The following STX8 variants were observed in gnomAD, a reference collection of about 807,000 sequenced individuals.
The protein encoded by STX8 is syntaxin 8.
A neutral mutation model predicts 37.5 loss-of-function variants in STX8; 23 were observed. That is an observed-to-expected ratio of 0.61 (90% CI 0.44 to 0.87). The LOEUF is 0.87. Among genes scored for constraint, STX8 ranks in the 40% least tolerant of loss-of-function variants. The pLI, the probability that STX8 is intolerant of heterozygous loss-of-function variation, is 0.00. For missense variants in STX8, 313 were observed against 284.7 expected, an observed-to-expected ratio of 1.10 and a Z score of -0.71; for synonymous variants, 115 against 99.1, an observed-to-expected ratio of 1.16 and a Z score of -0.95.
At chr17:9,443,534 C>G (rs1178351668) in intron 6 of STX8, among the ~76,000 whole-genome samples, 2 of 152,166 alleles carry the variant, frequency 1.3e-5, no homozygotes, top group Non-Finnish European at 2.9e-5. Flanking sequence ...TAGGGCTCCC[C>G]CGAGCCACAG....
rs553191806 is a variant in STX8 at position 9,391,206 on chromosome 17, C to A, written c.542-12553G>T. ...GGTGGTTCACAACTTGTAATCTCAG[C>A]ACTTTGGGTGGTAGAGGCTGGTGGA... On this transcript the variant is annotated intron_variant, in intron 6 of 7. Coordinates refer to ENST00000306357, the MANE Select transcript of STX8 (RefSeq NM_004853.3). Among the ~76,000 whole-genome samples, 135 of 152,190 alleles carry A rather than the reference C, an allele frequency of 8.9e-4. 2 individuals are homozygous for A. Among genetic ancestry groups the A allele is most frequent in the Non-Finnish European group, 1.8e-4 (12 of 67,998 alleles).
Position 9,389,702 on chromosome 17 carries a change from G to A in STX8, c.542-11049C>T, listed in dbSNP as rs1912143088. ...TACTCATAACGGACTCATAATGGCA[G>A]TAGTAAAGTCATTATGTTATTATGC... On this transcript the variant is annotated intron_variant, in intron 6 of 7. Transcript: ENST00000306357. 2.0e-5 allele frequency among the ~76,000 whole-genome samples: 3 copies of A among 152,120 alleles called. No individual in the cohort carries two copies. The South Asian group carries it at 6.2e-4, about 31-fold the overall frequency.
At chr17:9,568,745 C>A (rs569449074) in intron 1 of STX8, among the ~76,000 whole-genome samples, 1 of 152,272 alleles carries the variant, frequency 6.6e-6, no homozygotes, top group East Asian at 1.9e-4. Flanking sequence ...CGTGATCCGC[C>A]CCCTCGGCCT....
chr17:9,545,177 T>A lies in STX8; in HGVS notation c.318A>T (p.Leu106=), dbSNP rs572412648. The change falls in exon 4 of 8, where the codon CTA becomes CTT. Residue 106 remains leucine, a synonymous_variant. Transcript: ENST00000306357. ...SFKNEGAEPD[L]IRSSLMSEEA... ...TGTAAATAAAAACATCCTACCTGAT[T>A]AGATCTGGTTCGGCACCCTCATTCT... 2 of 1,610,952 alleles carry A rather than the reference T, an allele frequency of 1.2e-6. No homozygotes were observed. Among genetic ancestry groups the A allele is most frequent in the South Asian group, 2.2e-5 (2 of 90,974 alleles).
chr17:9,390,214 T>C (rs925751712), intron 6 of STX8, among the ~76,000 whole-genome samples: 1 of 152,104 alleles, frequency 6.6e-6, no homozygotes, highest in South Asian at 2.1e-4. Context: ...TGGTCTCTCA[T>C]CTAGGCTTAA....
At chr17:9,441,727 G>A (rs1306335086) in intron 6 of STX8, among the ~76,000 whole-genome samples, 1 of 138,764 alleles carries the variant, frequency 7.2e-6, no homozygotes, top group African/African-American at 2.7e-5. Context: ...CAAGGCTGGA[G>A]TGCAGTGGCG....
At position 9,458,614 on chromosome 17, in the gene STX8, C is replaced by T. The variant is rs368168667; in HGVS notation, c.541+33215G>A. The stretch of plus-strand genomic sequence containing the variant: ...GAAAATATACGAGAGGTTCTAACTT[C>T]GAGTTTGCTCTCGTGCTCTTGTTCC... On this transcript the variant is annotated intron_variant, in intron 6 of 7. Transcript: ENST00000306357. Among the ~76,000 whole-genome samples the T allele has an allele frequency of 5.3e-5, 8 of 152,324 alleles. No individual in the cohort carries two copies. The South Asian group carries it at 1.0e-3, about 20-fold the overall frequency.
At chr17:9,552,261 G>C (rs1281180733) in intron 3 of STX8, among the ~76,000 whole-genome samples, 3 of 152,144 alleles carry the variant, frequency 2.0e-5, no homozygotes, top group Non-Finnish European at 4.4e-5. Flanking sequence ...AGGATCTCTT[G>C]AGGCCAGGAA....
chr17:9,525,719 T>C (rs1317039550), intron 4 of STX8, among the ~76,000 whole-genome samples: 1 of 152,162 alleles, frequency 6.6e-6, no homozygotes, highest in African/African-American at 2.4e-5. Flanking sequence ...CACTATACAC[T>C]ATCATGTATG....
intron 6 of STX8, among the ~76,000 whole-genome samples, chr17:9,454,535 C>T (rs1171779191): frequency 6.6e-6 from 1 of 152,026 alleles, no homozygotes. Flanking sequence ...AAAAAATTAG[C>T]CAGGCCTGGT....
chr17:9,473,010 G>A (rs1905940442), intron 6 of STX8, among the ~76,000 whole-genome samples: 1 of 152,084 alleles, frequency 6.6e-6, no homozygotes, highest in Admixed American at 6.6e-5. Flanking sequence ...AAAGTCATAG[G>A]ACAAACACCA....
chr17:9,275,753 A>G lies in STX8; in HGVS notation c.644-25108T>C, dbSNP rs141178965. On this transcript the variant is annotated intron_variant, in intron 7 of 7. Coordinates refer to ENST00000306357, the MANE Select transcript of STX8 (RefSeq NM_004853.3). ...CATGGTGGCTCATGCCTGTAATCCC[A>G]GCTACTCGGGAGGCTGAGGCAGGAG... Among the ~76,000 whole-genome samples the G allele has an allele frequency of 2.7e-3, 418 of 152,134 alleles. 9 individuals are homozygous for G. The highest frequency in any genetic ancestry group is 9.3e-3 in the African/African-American group (387 of 41,440).
At chr17:9,498,715 C>A (rs372572945) in intron 5 of STX8, among the ~76,000 whole-genome samples, 3 of 152,106 alleles carry the variant, frequency 2.0e-5, no homozygotes, top group South Asian at 2.1e-4. Flanking sequence ...AGAACGATTG[C>A]ACAATTTCCT....
chr17:9,532,065 C>G (rs1028071986), intron 4 of STX8, among the ~76,000 whole-genome samples: 1 of 151,944 alleles, frequency 6.6e-6, no homozygotes, highest in Non-Finnish European at 1.5e-5. Flanking sequence ...GTTTTCTTTG[C>G]TCCATCAGTC....
At chr17:9,295,699 C>T (rs543872151) in intron 7 of STX8, among the ~76,000 whole-genome samples, 46 of 151,398 alleles carry the variant, frequency 3.0e-4, no homozygotes, top group African/African-American at 5.3e-4. Context: ...GCCAAGATCG[C>T]GCCACCGCAC....
intron 6 of STX8, among the ~76,000 whole-genome samples, chr17:9,406,443 C>T (rs2142327085): frequency 6.6e-6 from 1 of 152,306 alleles, no homozygotes. Flanking sequence ...AGCATCTGAG[C>T]TTGCCTCAAT....
chr17:9,419,553 A>T (rs1320878110), intron 6 of STX8, among the ~76,000 whole-genome samples: 1 of 152,218 alleles, frequency 6.6e-6, no homozygotes, highest in Non-Finnish European at 1.5e-5. Flanking sequence ...CAAAAAGGAC[A>T]ACAAATGGGA....
intron 7 of STX8, among the ~76,000 whole-genome samples, chr17:9,275,487 C>G (rs1403638768): frequency 6.6e-6 from 1 of 152,182 alleles, no homozygotes; most frequent in East Asian, 1.9e-4. Flanking sequence ...AGGTGTAAGT[C>G]TGCTGGAGAG....
intron 7 of STX8, among the ~76,000 whole-genome samples, chr17:9,276,925 T>G (rs1907698144): frequency 6.6e-6 from 1 of 151,894 alleles, no homozygotes; most frequent in Non-Finnish European, 1.5e-5. Context: ...TGTGAGCCAC[T>G]GCACTCAGCC....
Sources: allele counts gnomAD v4.1 joint callset (sites outside exome capture counted in the v4.1 genomes callset), GRCh38; gene constraint gnomAD v4.1.1; transcripts MANE v1.5; gene names NCBI Gene and HGNC (gene_info 2026-07-23, HGNC 2026-07-21).